Variants in ABTB3 observed in about 807,000 individuals in gnomAD.
ABTB3 encodes ankyrin repeat- and BTB/POZ domain-containing protein 3.
the ABTB3 span, chr12:107,319,804 G>A: frequency 7.2e-7 from 1 of 1,385,600 alleles, no homozygotes; most frequent in Admixed American, 2.8e-5. Context: ...ATAAAGAGCG[G>A]GAGGCGCCCG....
chr12:107,612,791 C>T, the ABTB3 span: 1 of 1,613,396 alleles, frequency 6.2e-7, no homozygotes, highest in South Asian at 1.1e-5. Context: ...GCATGACTCC[C>T]CTGATGTATG....
the ABTB3 span, among the ~76,000 whole-genome samples, chr12:107,388,536 CT>C: frequency 6.6e-6 from 1 of 150,968 alleles, no homozygotes; most frequent in Non-Finnish European, 1.5e-5. Context: ...CCTTCCTCCT[CT>C]TCATCTTCCT....
chr12:107,627,634 G>A, the ABTB3 span, among the ~76,000 whole-genome samples: 2 of 152,162 alleles, frequency 1.3e-5, no homozygotes, highest in African/African-American at 2.4e-5. Flanking sequence ...AGCAGACATA[G>A]CCTGCAGCCA....
chr12:107,608,706 C>A, the ABTB3 span, among the ~76,000 whole-genome samples: 1 of 151,630 alleles, frequency 6.6e-6, no homozygotes, highest in Non-Finnish European at 1.5e-5. Context: ...CCTGTCTTTA[C>A]AAAAATTTTT....
the ABTB3 span, among the ~76,000 whole-genome samples, chr12:107,324,460 C>T: frequency 6.6e-6 from 1 of 151,872 alleles, no homozygotes; most frequent in Non-Finnish European, 1.5e-5. Flanking sequence ...AAGATCTCAG[C>T]TCTACAAAAA....
At chr12:107,448,836 G>A in the ABTB3 span, among the ~76,000 whole-genome samples, 649 of 152,278 alleles carry the variant, frequency 4.3e-3, 4 homozygotes, top group South Asian at 7.5e-3. Context: ...CTCCCAAAGT[G>A]CTGGGATTAT....
chr12:107,540,541 T>C, the ABTB3 span, among the ~76,000 whole-genome samples: 2 of 152,138 alleles, frequency 1.3e-5, no homozygotes, highest in African/African-American at 4.8e-5. Flanking sequence ...TTAACCATCA[T>C]ACCCCTTGCT....
chr12:107,521,037 A>G, the ABTB3 span, among the ~76,000 whole-genome samples: 1 of 152,248 alleles, frequency 6.6e-6, no homozygotes, highest in Admixed American at 6.5e-5. Context: ...ATCTGGGAAT[A>G]GGCCTTGCCG....
chr12:107,337,543 G>A, the ABTB3 span, among the ~76,000 whole-genome samples: 4 of 152,168 alleles, frequency 2.6e-5, no homozygotes, highest in Non-Finnish European at 5.9e-5. Context: ...CATCACCACC[G>A]ATGATGTCGG....
the ABTB3 span, among the ~76,000 whole-genome samples, chr12:107,437,678 G>A: frequency 7.2e-5 from 11 of 152,054 alleles, no homozygotes; most frequent in East Asian, 1.9e-4. Flanking sequence ...CTGGAATCAC[G>A]GGTGTGAGCC....
the ABTB3 span, among the ~76,000 whole-genome samples, chr12:107,357,614 A>T: frequency 6.6e-6 from 1 of 152,216 alleles, no homozygotes; most frequent in Non-Finnish European, 1.5e-5. Context: ...CTATCTCTAA[A>T]AAAATAAAAA....
the ABTB3 span, chr12:107,544,188 G>A: frequency 1.9e-6 from 3 of 1,572,740 alleles, no homozygotes; most frequent in South Asian, 3.5e-5. Context: ...CTGCCTCCAG[G>A]GTGGGGCAAG....
chr12:107,561,150 C>T, the ABTB3 span, among the ~76,000 whole-genome samples: 8 of 152,152 alleles, frequency 5.3e-5, no homozygotes, highest in African/African-American at 1.9e-4. Flanking sequence ...GTCCTTTGTC[C>T]CGTTGCTCTG....
chr12:107,559,467 G>A, the ABTB3 span, among the ~76,000 whole-genome samples: 3 of 152,228 alleles, frequency 2.0e-5, no homozygotes, highest in Admixed American at 2.0e-4. Context: ...ATGGAAGCCT[G>A]GTGCCCAAAT....
chr12:107,357,703 T>A, the ABTB3 span, among the ~76,000 whole-genome samples: 2 of 152,250 alleles, frequency 1.3e-5, no homozygotes, highest in African/African-American at 2.4e-5. Context: ...GGCTAAAATA[T>A]CCTTTCTTTC....
At chr12:107,326,970 T>A in the ABTB3 span, among the ~76,000 whole-genome samples, 4 of 152,198 alleles carry the variant, frequency 2.6e-5, no homozygotes, top group African/African-American at 9.6e-5. Flanking sequence ...CCCTCTCAGC[T>A]GTGCTGGTGG....
At chr12:107,355,307 A>C in the ABTB3 span, among the ~76,000 whole-genome samples, 1 of 152,162 alleles carries the variant, frequency 6.6e-6, no homozygotes, top group African/African-American at 2.4e-5. Flanking sequence ...TGGCTCTGAC[A>C]TGCCATTCTT....
the ABTB3 span, among the ~76,000 whole-genome samples, chr12:107,391,868 T>C: frequency 6.6e-6 from 1 of 152,030 alleles, no homozygotes; most frequent in Non-Finnish European, 1.5e-5. Context: ...TGTGATGGGG[T>C]GTGTGCATTT....
the ABTB3 span, among the ~76,000 whole-genome samples, chr12:107,335,325 A>AAAAAAAAAC: frequency 7.2e-6 from 1 of 138,374 alleles, no homozygotes; most frequent in Non-Finnish European, 1.5e-5. Context: ...AAAAAAAAAA[A>AAAAAAAAAC]AGCAGCAGCA....
Sources: gnomAD v4.1 joint callset for allele counts (sites outside exome capture counted in the v4.1 genomes callset) on GRCh38, gnomAD v4.1.1 for gene constraint, MANE v1.5 for transcripts, NCBI Gene and HGNC (gene_info 2026-07-23, HGNC 2026-07-21) for gene names.